The following ANO1 variants were observed in gnomAD, a reference collection of about 807,000 sequenced individuals.
ANO1 encodes the protein anoctamin-1.
A neutral mutation model predicts 124.0 loss-of-function variants in ANO1; 59 were observed. The ratio of observed to expected loss-of-function variants is 0.48; its 90% CI spans 0.39 to 0.59. The LOEUF (loss-of-function observed/expected upper bound fraction) is 0.59, where lower values mean the gene tolerates loss of function less well. Ranked by LOEUF, ANO1 falls within the 20% of genes least tolerant of loss-of-function variation. The pLI, the probability that ANO1 is intolerant of heterozygous loss-of-function variation, is 0.00. For synonymous variants in ANO1, 529 were observed against 532.0 expected (o/e 0.99, Z 0.08); for missense variants, 1,059 against 1,328.0 (o/e 0.80, Z 3.15).
chr11:70,048,929 G>A (rs1198056702), intron 1 of ANO1, among the ~76,000 whole-genome samples: 1 of 152,052 alleles, frequency 6.6e-6, no homozygotes, highest in African/African-American at 2.4e-5. Context: ...GAATGTCGAG[G>A]GCCACGCCTG....
At position 70,153,101 on chromosome 11, in the gene ANO1, T is replaced by G. The variant is rs374468344; in HGVS notation, c.1398T>G (p.Ser466=). 1.2e-6 allele frequency: 2 copies of G among 1,607,358 alleles called. No homozygotes were observed. Among genetic ancestry groups the G allele is most frequent in the Non-Finnish European group, 1.7e-6 (2 of 1,176,922 alleles). Residue 466 remains serine, a synonymous_variant, in exon 14 of 26, where the codon TCT becomes TCG. Transcript: ENST00000355303. ...AEYEARVLEK[S]LKKESRNKEK... Reference sequence around the variant, plus strand: ...ACGAAGCCAGAGTCTTGGAGAAGTCTCTGAAGAAAGAGTCCAGAAACAAAG... The same window carrying G: ...ACGAAGCCAGAGTCTTGGAGAAGTCGCTGAAGAAAGAGTCCAGAAACAAAG...
chr11:70,118,557 G>A (rs1417086122), intron 8 of ANO1, among the ~76,000 whole-genome samples: 6 of 148,642 alleles, frequency 4.0e-5, no homozygotes, highest in Non-Finnish European at 8.9e-5. Context: ...ACTGAATGAT[G>A]GATAATGGAT....
intron 19 of ANO1, chr11:70,165,255 A>T (rs1244268876): frequency 7.0e-6 from 4 of 569,810 alleles, no homozygotes; most frequent in Non-Finnish European, 1.3e-5. Context: ...CCCCATCTGA[A>T]AACACCCCAG....
chr11:70,143,056 C>T (rs1026952810), intron 11 of ANO1, among the ~76,000 whole-genome samples: 1 of 152,136 alleles, frequency 6.6e-6, no homozygotes, highest in African/African-American at 2.4e-5. Flanking sequence ...GGATAGGGAC[C>T]CCACATGCAC....
rs1227188174 is a variant in ANO1, at chr11:70,188,261, G to A, written c.*257G>A. On this transcript the variant is annotated 3_prime_UTR_variant, in exon 26 of 26. Transcript: ENST00000355303. ...GAATCAAAATGATGGCTGGTAATAC[G>A]GCAATAAGGTAGCAAAGGCAGGTGC... 10 of 541,022 alleles carry A rather than the reference G, an allele frequency of 1.8e-5. 1 individual carries two copies. The highest frequency in any genetic ancestry group is 7.3e-5 in the South Asian group (3 of 40,854). The allele number at this position is 541,022 out of a possible 1,614,324, so 33.5% of individuals were successfully genotyped here.
rs560470053 is a variant in ANO1, at chr11:70,153,724, G to A, written c.1425+596G>A. On this transcript the variant is annotated intron_variant, in intron 14 of 25. Transcript: ENST00000355303. ...AGTCATATGTGCAGCCAGGACTCTC[G>A]AAGACCTCCAGAGGTGCTTGCCGGC... Among the ~76,000 whole-genome samples, 5 of 152,106 alleles carry A rather than the reference G, an allele frequency of 3.3e-5. No homozygotes were observed. The Middle Eastern group carries it at 0.01, about 310-fold the overall frequency.
At chr11:70,068,501 A>G in intron 1 of ANO1, among the ~76,000 whole-genome samples, 1 of 152,224 alleles carries the variant, frequency 6.6e-6, no homozygotes, top group East Asian at 1.9e-4. Context: ...AAGTTGTCAG[A>G]TAACAGATGC....
chr11:70,084,012 C>T (rs59555197), intron 1 of ANO1, among the ~76,000 whole-genome samples: 1 of 151,752 alleles, frequency 6.6e-6, no homozygotes. Context: ...ACAGAAAGGG[C>T]GTACAGGGAG....
chr11:70,085,338 C>G, intron 1 of ANO1: 2 of 1,416,006 alleles, frequency 1.4e-6, no homozygotes, highest in East Asian at 5.2e-5. Flanking sequence ...CCCTCCCAAG[C>G]CACCCACCCA....
At chr11:70,146,128 T>C (rs1399621792) in intron 11 of ANO1, among the ~76,000 whole-genome samples, 1 of 152,142 alleles carries the variant, frequency 6.6e-6, no homozygotes, top group Admixed American at 6.6e-5. Flanking sequence ...AAGTTAAATA[T>C]CTGCACAGAG....
chr11:70,088,057 G>T lies in ANO1; in HGVS notation c.414G>T (p.Ala138=). 1 of 1,426,308 alleles carries T rather than the reference G, an allele frequency of 7.0e-7. No homozygotes were observed. The allele number at this position is 1,426,308 out of a possible 1,614,324, so 88.4% of individuals were successfully genotyped here. A position where few individuals can be genotyped will look rare whatever the true frequency, so the allele number is the denominator to read the frequency against. ...AGTACGAGGGCAACCTCCTGGAGGC[G>T]GGCCTGGAGCTGGAGCGGGACGAGG... ...REEYEGNLLE[A]GLELERDEDT... Residue 138 remains alanine (A), a synonymous_variant, in exon 2 of 26, where the codon GCG becomes GCT. Coordinates refer to ENST00000355303, the MANE Select transcript of ANO1 (RefSeq NM_018043.7).
intron 1 of ANO1, among the ~76,000 whole-genome samples, chr11:70,046,331 A>T (rs531268565): frequency 6.6e-5 from 10 of 152,128 alleles, no homozygotes; most frequent in Non-Finnish European, 1.2e-4. Context: ...GACTGCTGTC[A>T]ATCTAAGACT....
intron 7 of ANO1, 131 bp downstream of exon 7, chr11:70,111,893 A>G (rs925556038): frequency 3.1e-6 from 3 of 959,192 alleles, no homozygotes; most frequent in East Asian, 2.4e-5. Context: ...GTAAATGTCA[A>G]CTGTACACAG....
At chr11:69,993,471 A>G (rs538093842) in intron 1 of ANO1, among the ~76,000 whole-genome samples, 1 of 152,276 alleles carries the variant, frequency 6.6e-6, no homozygotes, top group Admixed American at 6.5e-5. Context: ...TCAGGGGAAA[A>G]GGGAGAGAGC....
intron 1 of ANO1, among the ~76,000 whole-genome samples, chr11:70,049,109 C>T (rs1857308062): frequency 6.6e-6 from 1 of 152,142 alleles, no homozygotes; most frequent in African/African-American, 2.4e-5. Flanking sequence ...GTGACATCTC[C>T]TAGGTGGAAA....
At chr11:70,048,837 T>TG (rs1333092659) in intron 1 of ANO1, among the ~76,000 whole-genome samples, 26 of 152,040 alleles carry the variant, frequency 1.7e-4, no homozygotes, top group African/African-American at 6.3e-4. Flanking sequence ...TTATATCCCT[T>TG]GGGGGGGCCT....
intron 8 of ANO1, among the ~76,000 whole-genome samples, chr11:70,118,191 C>T (rs1225230226): frequency 6.6e-6 from 1 of 152,116 alleles, no homozygotes; most frequent in Non-Finnish European, 1.5e-5. Flanking sequence ...AACCCTACCC[C>T]CTCTTCCCCC....
chr11:70,096,767 G>A (rs1334750790), intron 2 of ANO1, among the ~76,000 whole-genome samples: 5 of 152,066 alleles, frequency 3.3e-5, no homozygotes, highest in African/African-American at 4.8e-5. Context: ...AGGCTGAGGC[G>A]GGAGAATTGC....
intron 1 of ANO1, among the ~76,000 whole-genome samples, chr11:69,991,951 C>G (rs758001547): frequency 6.6e-6 from 1 of 152,246 alleles, no homozygotes; most frequent in African/African-American, 2.4e-5. Context: ...TGATGCCATG[C>G]GAGCTCAGCT....
Sources: allele counts gnomAD v4.1 joint callset (sites outside exome capture counted in the v4.1 genomes callset), GRCh38; gene constraint gnomAD v4.1.1; transcripts MANE v1.5; gene names NCBI Gene and HGNC (gene_info 2026-07-23, HGNC 2026-07-21).